PTPRF: variants seen among roughly 807,000 people sequenced by gnomAD.
PTPRF encodes receptor-type tyrosine-protein phosphatase F.
In PTPRF, 59 loss-of-function variants were observed where a neutral mutation model predicts 201.8. The observed-to-expected ratio is 0.29, with a 90% confidence interval of 0.24 to 0.36. The LOEUF is 0.36. Ranked by LOEUF, PTPRF falls within the 10% of genes least tolerant of loss-of-function variation. The pLI is 1.00. For synonymous variants in PTPRF, 1,088 were observed against 1,089.7 expected (o/e 1.00, Z 0.03); for missense variants, 2,132 against 2,690.5 (o/e 0.79, Z 4.59).
At chr1:43,548,607 G>C (rs569566752) in intron 3 of PTPRF, among the ~76,000 whole-genome samples, 291 of 152,278 alleles carry the variant, frequency 1.9e-3, no homozygotes, top group African/African-American at 6.6e-3. Flanking sequence ...ACATGGATGA[G>C]GTGCCTGGAA....
intron 11 of PTPRF, among the ~76,000 whole-genome samples, chr1:43,593,306 C>T (rs1048001121): frequency 6.6e-6 from 1 of 152,132 alleles, no homozygotes; most frequent in Non-Finnish European, 1.5e-5. Flanking sequence ...TGTGCAGCAC[C>T]TGTGTATGTG....
intron 6 of PTPRF, among the ~76,000 whole-genome samples, chr1:43,576,473 A>G (rs1351118460): frequency 1.3e-5 from 2 of 152,208 alleles, no homozygotes; most frequent in East Asian, 1.9e-4. Context: ...TAGGATGACA[A>G]CAGGGAGGTA....
chr1:43,525,599 T>A (rs181295917), upstream of PTPRF, among the ~76,000 whole-genome samples: 1 of 151,572 alleles, frequency 6.6e-6, no homozygotes, highest in African/African-American at 2.4e-5. Flanking sequence ...GGTCAGGAGT[T>A]CAAGACCAAC....
At chr1:43,586,538 G>A (rs1649195072) in intron 7 of PTPRF, among the ~76,000 whole-genome samples, 1 of 152,240 alleles carries the variant, frequency 6.6e-6, no homozygotes, top group Admixed American at 6.5e-5. Context: ...AACTGTGTCT[G>A]TGACATGCTG....
At chr1:43,616,910 G>A (rs1006487096) in intron 23 of PTPRF, among the ~76,000 whole-genome samples, 5 of 152,152 alleles carry the variant, frequency 3.3e-5, no homozygotes, top group African/African-American at 4.8e-5. Flanking sequence ...GGAGCTCTGC[G>A]TCCTGCCCAC....
At position 43,604,027 on chromosome 1, in the gene PTPRF, A is replaced by G; in HGVS notation, c.2875A>G (p.Asn959Asp). ...CTACACCGTGGTGTTCCGAGACATC[A>G]ACAGCCAACAGGAGCTGCAGAACAT... ...ISYTVVFRDI[N>D]SQQELQNITT... is the part of the protein sequence containing the mutation. The change falls in exon 16 of 34, where the codon AAC (asparagine) becomes GAC (aspartate). Residue 959 changes from asparagine (N) to aspartate (D), a missense_variant. Physicochemically the swap from Asn to Asp is conservative, Grantham distance 23. Around this residue, in one of 6 missense-constraint regions of PTPRF, gnomAD observed 818 missense variants for 915.3 expected, o/e 0.89. Coordinates refer to ENST00000359947, the MANE Select transcript of PTPRF (RefSeq NM_002840.5). 6.2e-7 allele frequency: 1 copy of G among 1,614,228 alleles called. No individual in the cohort carries two copies. The highest frequency in any genetic ancestry group is 1.1e-5 in the South Asian group (1 of 91,084).
intron 5 of PTPRF, among the ~76,000 whole-genome samples, chr1:43,557,969 T>TGCCCC (rs2153976836): frequency 6.6e-6 from 1 of 152,222 alleles, no homozygotes; most frequent in Non-Finnish European, 1.5e-5. Flanking sequence ...ACCCGCCCCC[T>TGCCCC]GCCCCGCCTC....
In PTPRF at chr1:43,553,954, G is replaced by A; in HGVS notation, c.379+13G>A. ...TCAGTGCTCGAAGGTACGTGCTAGG[G>A]AGACGTGGCACGGTGGGCTGCCGGG... On this transcript the variant is annotated intron_variant, in intron 5 of 33. Coordinates refer to ENST00000359947, the MANE Select transcript of PTPRF (RefSeq NM_002840.5). The surrounding 1 kb of genome is among the most constrained non-coding windows in gnomAD (Gnocchi z 4.1). 1 of 1,613,282 alleles carries A rather than the reference G, an allele frequency of 6.2e-7. No homozygotes were observed.
chr1:43,602,845 C>T (rs1654099333), intron 14 of PTPRF, among the ~76,000 whole-genome samples: 1 of 152,296 alleles, frequency 6.6e-6, no homozygotes, highest in South Asian at 2.1e-4. Context: ...TTCTCCTAGC[C>T]CCTCCCCTGC....
rs1162437393 is a variant in PTPRF, at chr1:43,603,953, T to C, written c.2801T>C (p.Leu934Pro). 6.2e-7 allele frequency: 1 copy of C among 1,613,826 alleles called. No homozygotes were observed. Among genetic ancestry groups the C allele is most frequent in the Non-Finnish European group, 8.5e-7 (1 of 1,180,024 alleles). ...GGACTGACCACGTCTACCACAGAAC[T>C]GGCCTGGGACCCGCCAGTGCTGGCG... Reference protein sequence around the residue: ...VTGLTTSTTELAWDPPVLAER... With the variant: ...VTGLTTSTTEPAWDPPVLAER... Residue 934 changes from leucine to proline, a missense_variant, in exon 16 of 34, where the codon CTG becomes CCG. This residue lies in a region of PTPRF where 818 missense variants were observed against 915.3 expected (regional missense o/e 0.89). Transcript: ENST00000359947. This position sits in a 1 kb window ranked among gnomAD's most constrained non-coding sequence, Gnocchi z 5.8.
In PTPRF at chr1:43,620,794, C is replaced by T. The variant is rs546529849; in HGVS notation, c.5365-44C>T. Reference sequence around the variant, plus strand: ...TGGTCTAGTCCAGAGGGGTGGCTGCCTAAGGCACGAATTCTAATCATGTAC... The same window carrying T: ...TGGTCTAGTCCAGAGGGGTGGCTGCTTAAGGCACGAATTCTAATCATGTAC... On this transcript the variant is annotated intron_variant, in intron 31 of 33. Transcript: ENST00000359947. 5 of 1,585,728 alleles carry T rather than the reference C, an allele frequency of 3.2e-6. No homozygotes were observed. The African/African-American group carries it at 5.3e-5, about 17-fold the overall frequency.
chr1:43,593,360 C>A (rs146028661), intron 11 of PTPRF, among the ~76,000 whole-genome samples: 1 of 152,282 alleles, frequency 6.6e-6, no homozygotes, highest in Non-Finnish European at 1.5e-5. Context: ...GTGGGCGACT[C>A]TGGCCTGATC....
Position 43,604,321 on chromosome 1 carries a change from T to G in PTPRF, c.3037+132T>G, listed in dbSNP as rs1437160681. 3 of 917,718 alleles carry G rather than the reference T, an allele frequency of 3.3e-6. No individual in the cohort carries two copies. In the East Asian group the frequency reaches 7.9e-5, roughly 24 times the overall value. The allele number at this position is 917,718 out of a possible 1,614,324, so 56.8% of individuals were successfully genotyped here. The stretch of plus-strand genomic sequence containing the variant: ...TGTGTGACCTCCAATCTCTCATGAC[T>G]GTGACCACTAACCTCTAGTGAATGG... On this transcript the variant is annotated intron_variant, in intron 16 of 33. Transcript: ENST00000359947.
At chr1:43,557,630 C>CA (rs71036626) in intron 5 of PTPRF, among the ~76,000 whole-genome samples, 4,149 of 100,882 alleles carry the variant, frequency 0.041, 217 homozygotes, top group African/African-American at 0.13. Context: ...GACTCCATCT[C>CA]AAAAAAAAAA....
chr1:43,534,566 C>T (rs911775716), intron 1 of PTPRF, among the ~76,000 whole-genome samples: 2 of 151,938 alleles, frequency 1.3e-5, no homozygotes, highest in African/African-American at 2.4e-5. Flanking sequence ...CACTGAAGGC[C>T]CTGAAGCTTC....
At chr1:43,538,891 G>C (rs1644192448) in intron 2 of PTPRF, among the ~76,000 whole-genome samples, 1 of 152,176 alleles carries the variant, frequency 6.6e-6, no homozygotes, top group Non-Finnish European at 1.5e-5. Flanking sequence ...AGTTGGTTTA[G>C]AGTCAGCATC....
chr1:43,584,006 C>G (rs1648454356), intron 7 of PTPRF, among the ~76,000 whole-genome samples: 1 of 152,188 alleles, frequency 6.6e-6, no homozygotes. Context: ...CTGGAAGTGG[C>G]CCCTGACTCA....
chr1:43,555,940 G>T (rs1645340109), intron 5 of PTPRF, among the ~76,000 whole-genome samples: 1 of 152,206 alleles, frequency 6.6e-6, no homozygotes, highest in South Asian at 2.1e-4. Context: ...AAGTGGAATT[G>T]CTGAGTCAAA....
intron 13 of PTPRF, 43 bp downstream of exon 13, chr1:43,598,956 C>G (rs757409112): frequency 6.3e-7 from 1 of 1,579,876 alleles, no homozygotes; most frequent in African/African-American, 1.3e-5. Context: ...TGAGCACAGA[C>G]CAGCATGCAC....
Sources: allele counts gnomAD v4.1 joint callset (sites outside exome capture counted in the v4.1 genomes callset), GRCh38; gene constraint gnomAD v4.1.1; regional missense constraint gnomAD v4.1.1; non-coding constraint Gnocchi (gnomAD v3.1); transcripts MANE v1.5; gene names NCBI Gene and HGNC (gene_info 2026-07-23, HGNC 2026-07-21).